Variants in NFATC2 observed in about 807,000 individuals in gnomAD.
The protein encoded by NFATC2 is nuclear factor of activated T-cells, cytoplasmic 2.
Under a neutral mutation model 87.3 loss-of-function variants are expected in NFATC2, and 22 were observed. The ratio of observed to expected loss-of-function variants is 0.25; its 90% CI spans 0.18 to 0.36. The LOEUF (loss-of-function observed/expected upper bound fraction) is 0.36. Ranked by LOEUF, NFATC2 falls within the 10% of genes least tolerant of loss-of-function variation. The pLI, the probability that NFATC2 is intolerant of heterozygous loss-of-function variation, is 1.00. For synonymous variants in NFATC2, 565 were observed against 542.2 expected, an observed-to-expected ratio of 1.04 and a Z score of -0.58; for missense variants, 1,149 against 1,259.1, an observed-to-expected ratio of 0.91 and a Z score of 1.32.
chr20:51,423,591 C>T (rs1439549316), intron 9 of NFATC2, among the ~76,000 whole-genome samples: 1 of 152,196 alleles, frequency 6.6e-6, no homozygotes, highest in African/African-American at 2.4e-5. Context: ...AGGAGCACCT[C>T]ACTCTTTCAC....
At chr20:51,440,855 G>A (rs1984231302) in intron 6 of NFATC2, among the ~76,000 whole-genome samples, 1 of 152,178 alleles carries the variant, frequency 6.6e-6, no homozygotes, top group African/African-American at 2.4e-5. Context: ...AAGGTACCTT[G>A]GGGTCATTTT....
At chr20:51,554,925 T>C (rs111613179) in intron 1 of NFATC2, among the ~76,000 whole-genome samples, 8 of 152,124 alleles carry the variant, frequency 5.3e-5, no homozygotes, top group African/African-American at 1.9e-4. Context: ...ACATCTGAAG[T>C]GGTTCGAATA....
intron 1 of NFATC2, among the ~76,000 whole-genome samples, chr20:51,538,672 C>T (rs1389671451): frequency 1.3e-5 from 2 of 152,170 alleles, no homozygotes; most frequent in Non-Finnish European, 2.9e-5. Flanking sequence ...AACAATGGCT[C>T]ATATTAATTG....
chr20:51,543,812 CA>C (rs1417775303), upstream of NFATC2, among the ~76,000 whole-genome samples: 13 of 152,104 alleles, frequency 8.5e-5, no homozygotes, highest in East Asian at 3.9e-4. Flanking sequence ...AAAACTCTGC[CA>C]GGGGGCTCCA....
chr20:51,486,783 A>T (rs1989745369), intron 3 of NFATC2, among the ~76,000 whole-genome samples: 1 of 152,174 alleles, frequency 6.6e-6, no homozygotes, highest in Admixed American at 6.5e-5. Flanking sequence ...AAGGAGGCTC[A>T]TTCATGTCTG....
chr20:51,453,239 G>T (rs539796070), intron 6 of NFATC2, among the ~76,000 whole-genome samples: 8 of 152,266 alleles, frequency 5.3e-5, no homozygotes, highest in Non-Finnish European at 1.0e-4. Flanking sequence ...ATTTGTGCGA[G>T]ACTGGAAGAA....
chr20:51,407,963 C>A (rs1171124686), intron 9 of NFATC2, among the ~76,000 whole-genome samples: 1 of 152,150 alleles, frequency 6.6e-6, no homozygotes, highest in African/African-American at 2.4e-5. Flanking sequence ...CCTCAGGAAA[C>A]CTGAGCTGTT....
At chr20:51,529,636 CAGG>C (rs1485413993) in intron 1 of NFATC2, among the ~76,000 whole-genome samples, 1 of 152,212 alleles carries the variant, frequency 6.6e-6, no homozygotes, top group African/African-American at 2.4e-5. Flanking sequence ...CAAATGTTCT[CAGG>C]AGGATTTCCA....
chr20:51,546,776 A>G (rs544397019), upstream of NFATC2, among the ~76,000 whole-genome samples: 2 of 152,354 alleles, frequency 1.3e-5, no homozygotes, highest in South Asian at 4.1e-4. Flanking sequence ...TATGTCAAGG[A>G]AACCTGACGT....
chr20:51,472,718 C>G (rs1252212221), intron 5 of NFATC2, among the ~76,000 whole-genome samples: 3 of 149,966 alleles, frequency 2.0e-5, no homozygotes, highest in Non-Finnish European at 4.4e-5. Context: ...TCATCGCAAC[C>G]TCCACCTCCC....
At chr20:51,398,928 A>G (rs1987661137) in intron 9 of NFATC2, 198 bp from the exon 10 acceptor site, 1 of 569,846 alleles carries the variant, frequency 1.8e-6, no homozygotes, top group East Asian at 2.9e-5. Flanking sequence ...AATCATGGAG[A>G]TGAGGGACTC....
At chr20:51,449,418 G>A (rs1004703787) in intron 6 of NFATC2, among the ~76,000 whole-genome samples, 8 of 152,206 alleles carry the variant, frequency 5.3e-5, no homozygotes, top group South Asian at 4.2e-4. Context: ...TAACACCCCC[G>A]ATTGTCTCTT....
intron 9 of NFATC2, among the ~76,000 whole-genome samples, chr20:51,424,323 C>T (rs1036943380): frequency 6.6e-6 from 1 of 152,170 alleles, no homozygotes; most frequent in African/African-American, 2.4e-5. Context: ...AGTCAGCCTC[C>T]TGGCTCTTCG....
chr20:51,421,581 T>C (rs1023401357), intron 9 of NFATC2, among the ~76,000 whole-genome samples: 1 of 152,334 alleles, frequency 6.6e-6, no homozygotes, highest in African/African-American at 2.4e-5. Flanking sequence ...ACAGAGCAAG[T>C]GGATGTTCCA....
chr20:51,503,677 C>T (rs2076128404), intron 3 of NFATC2, among the ~76,000 whole-genome samples: 1 of 152,234 alleles, frequency 6.6e-6, no homozygotes, highest in African/African-American at 2.4e-5. Flanking sequence ...CGAGGCTGCA[C>T]CTGCCCCATG....
At chr20:51,514,494 T>C (rs2076320727) in intron 3 of NFATC2, among the ~76,000 whole-genome samples, 2 of 152,304 alleles carry the variant, frequency 1.3e-5, no homozygotes, top group South Asian at 2.1e-4. Flanking sequence ...GAGAGAGACA[T>C]TGACAAAATA....
At chr20:51,429,233 C>T (rs55920811) in intron 9 of NFATC2, among the ~76,000 whole-genome samples, 2 of 152,222 alleles carry the variant, frequency 1.3e-5, no homozygotes, top group Non-Finnish European at 2.9e-5. Context: ...TTGGTGGCTA[C>T]GGTGGAGATG....
chr20:51,540,197 G>A (rs564296351), intron 1 of NFATC2, among the ~76,000 whole-genome samples: 1 of 152,244 alleles, frequency 6.6e-6, no homozygotes, highest in African/African-American at 2.4e-5. Context: ...ATTTTTAGTA[G>A]AGTTGGGGTT....
intron 5 of NFATC2, among the ~76,000 whole-genome samples, chr20:51,454,921 A>G (rs149867607): frequency 6.6e-6 from 1 of 152,364 alleles, no homozygotes; most frequent in East Asian, 1.9e-4. Context: ...TTTCGTTTTC[A>G]TGAATCAAGG....
Sources: gnomAD v4.1 joint callset for allele counts (sites outside exome capture counted in the v4.1 genomes callset) on GRCh38, gnomAD v4.1.1 for gene constraint, MANE v1.5 for transcripts, NCBI Gene and HGNC (gene_info 2026-07-23, HGNC 2026-07-21) for gene names.